The following CLEC6A variants were observed in gnomAD, a reference collection of about 807,000 sequenced individuals.
CLEC6A encodes the protein C-type lectin domain containing 6A, also known as C-type lectin domain family 6 member A.
A neutral mutation model predicts 25.7 loss-of-function variants in CLEC6A; 22 were observed. That is an observed-to-expected ratio of 0.85 (90% CI 0.61 to 1.22). CLEC6A has a LOEUF of 1.22. Ranked by LOEUF, CLEC6A falls within the 50% of genes most tolerant of loss-of-function variation. CLEC6A has a pLI of 0.00. For synonymous variants in CLEC6A, 92 were observed against 76.7 expected (o/e 1.20, Z -1.04); for missense variants, 240 against 236.8 (o/e 1.01, Z -0.09).
intron 3 of CLEC6A, chr12:8,460,525 T>A (rs1939738920): frequency 1.5e-6 from 1 of 655,534 alleles, no homozygotes. Context: ...AAGGTGAGAT[T>A]TGGGTGGAGA....
chr12:8,464,574 C>T (rs987723937), intron 3 of CLEC6A, among the ~76,000 whole-genome samples: 3 of 152,088 alleles, frequency 2.0e-5, no homozygotes, highest in Non-Finnish European at 2.9e-5. Flanking sequence ...CCTCGTGATC[C>T]GCCCGCCTCG....
At position 8,477,662 on chromosome 12, in the gene CLEC6A, T is replaced by C. The variant is rs998459838; in HGVS notation, c.*198T>C. 9.4e-6 allele frequency: 4 copies of C among 424,186 alleles called. No individual in the cohort carries two copies. Among genetic ancestry groups the C allele is most frequent in the East Asian group, 3.9e-5 (1 of 25,348 alleles). The allele number at this position is 424,186 out of a possible 1,614,324, so 26.3% of individuals were successfully genotyped here. ...CTCGTTTCCTCTTTTCCATTAATGA[T>C]AGAATGCACCCTTCCTCTCTTTGTT... On this transcript the variant is annotated 3_prime_UTR_variant, in exon 6 of 6. Coordinates refer to ENST00000382073, the MANE Select transcript of CLEC6A (RefSeq NM_001007033.2).
Position 8,460,979 on chromosome 12 carries a change from TTGG to T in CLEC6A, c.223+1284_223+1286del, listed in dbSNP as rs201241576. On this transcript the variant is annotated intron_variant, in intron 3 of 5. Transcript: ENST00000382073. ...CTAAGAGTCCCAAATTCTTACTGCG[TTGG>T]TGAAGATTCCACATAAAAATTTTTG... The T allele has an allele frequency of 7.9e-3, 8,521 of 1,080,824 alleles. 87 individuals carry two copies. Among genetic ancestry groups the T allele is most frequent in the Non-Finnish European group, 8.8e-3 (6,240 of 707,746 alleles). 67.0% of individuals were successfully genotyped at this position (1,080,824 alleles called of 1,614,324 possible). A position where few individuals can be genotyped will look rare whatever the true frequency, so the allele number is the denominator to read the frequency against.
intron 3 of CLEC6A, among the ~76,000 whole-genome samples, chr12:8,464,439 C>T (rs1939803969): frequency 6.6e-6 from 1 of 151,976 alleles, no homozygotes; most frequent in Non-Finnish European, 1.5e-5. Flanking sequence ...ACGCCATTCT[C>T]CTGCCTCAGC....
chr12:8,472,341 C>T (rs1413913353), intron 4 of CLEC6A, among the ~76,000 whole-genome samples: 3 of 152,150 alleles, frequency 2.0e-5, no homozygotes, highest in African/African-American at 7.2e-5. Flanking sequence ...TCAGCCACCA[C>T]CAAGTATCCC....
At chr12:8,476,666 T>A (rs4337090) in intron 5 of CLEC6A, among the ~76,000 whole-genome samples, 149,038 of 152,228 alleles carry the variant, frequency 0.98, 73,039 homozygotes, top group Middle Eastern at 1. Context: ...GGCTTTAAAA[T>A]AGAATTCAGT....
intron 4 of CLEC6A, among the ~76,000 whole-genome samples, chr12:8,467,475 A>C (rs1013971644): frequency 1.3e-5 from 2 of 152,106 alleles, no homozygotes; most frequent in African/African-American, 4.8e-5. Context: ...TGGTATTGGC[A>C]CCTTGTTGGA....
intron 2 of CLEC6A, among the ~76,000 whole-genome samples, chr12:8,459,339 G>C (rs1939720846): frequency 6.6e-6 from 1 of 152,020 alleles, no homozygotes; most frequent in Non-Finnish European, 1.5e-5. Flanking sequence ...AATTGTTGTG[G>C]GAAACAGGCA....
chr12:8,467,999 TG>T (rs1939857928), intron 4 of CLEC6A, among the ~76,000 whole-genome samples: 1 of 152,134 alleles, frequency 6.6e-6, no homozygotes. Context: ...TGGAGTGCAG[TG>T]GTGTGATCTT....
rs777136821 is a variant in CLEC6A, at chr12:8,456,735, TCCATCACCTCAAATA to T, written c.31+594_31+608del. Among the ~76,000 whole-genome samples, 14 of 152,340 alleles carry T rather than the reference TCCATCACCTCAAATA, an allele frequency of 9.2e-5. 1 individual carries two copies. In the South Asian group the frequency reaches 2.9e-3, roughly 32 times the overall value. On this transcript the variant is annotated intron_variant, in intron 1 of 5. Transcript: ENST00000382073. The stretch of plus-strand genomic sequence containing the variant: ...TGGTAAAGTCTGGAAAATTACATTA[TCCATCACCTCAAATA>T]TTTATCATGTCTTTGTGTTTGGAAC...
chr12:8,460,540 G>A (rs1368683012), intron 3 of CLEC6A: 3 of 741,938 alleles, frequency 4.0e-6, no homozygotes, highest in Admixed American at 2.2e-5. Context: ...TGGAGACAGA[G>A]AACCAAACCA....
chr12:8,474,070 G>A (rs1027205991), intron 4 of CLEC6A, among the ~76,000 whole-genome samples: 2 of 152,012 alleles, frequency 1.3e-5, no homozygotes, highest in African/African-American at 4.8e-5. Context: ...AAGCATTTTA[G>A]TTTAATTAGG....
In CLEC6A at chr12:8,465,464, T is replaced by C. The variant is rs1234782180; in HGVS notation, c.224-20T>C. 1 of 1,613,496 alleles carries C rather than the reference T, an allele frequency of 6.2e-7. No homozygotes were observed. The highest frequency in any genetic ancestry group is 8.5e-7 in the Non-Finnish European group (1 of 1,179,692). ...TCTTATCTTGCACTCACTCTTTTTT[T>C]TCATGTAACACAAAAATAGCCTGGG... is the stretch of plus-strand genomic sequence containing the variant. On this transcript the variant is annotated intron_variant, in intron 3 of 5. Coordinates refer to ENST00000382073, the MANE Select transcript of CLEC6A (RefSeq NM_001007033.2).
intron 1 of CLEC6A, among the ~76,000 whole-genome samples, chr12:8,457,128 A>G (rs997513299): frequency 5.8e-4 from 88 of 152,168 alleles, no homozygotes; most frequent in Admixed American, 1.6e-3. Context: ...AAAAAAGTTA[A>G]CTACAGTTAT....
In CLEC6A at chr12:8,477,522, CT is replaced by C; in HGVS notation, c.*61del. The C allele has an allele frequency of 7.3e-7, 1 of 1,368,948 alleles. No homozygotes were observed. Among genetic ancestry groups the C allele is most frequent in the East Asian group, 2.4e-5 (1 of 41,732 alleles). The allele number at this position is 1,368,948 out of a possible 1,614,324, so 84.8% of individuals were successfully genotyped here. On this transcript the variant is annotated 3_prime_UTR_variant, in exon 6 of 6. Transcript: ENST00000382073. The stretch of plus-strand genomic sequence containing the variant: ...ACTGACGTAATTTTTTCCCTGACGT[CT>C]TTAAAATTGAACCCTATCATGAAAT...
chr12:8,465,714 G>A, intron 4 of CLEC6A, 85 bp downstream of exon 4: 1 of 1,137,770 alleles, frequency 8.8e-7, no homozygotes, highest in Non-Finnish European at 1.2e-6. Flanking sequence ...TCAGTGTACT[G>A]TTCAGTAGCA....
intron 3 of CLEC6A, among the ~76,000 whole-genome samples, chr12:8,459,929 A>T (rs938599053): frequency 2.6e-5 from 4 of 152,212 alleles, no homozygotes; most frequent in Non-Finnish European, 5.9e-5. Context: ...TTATAAACCT[A>T]CATGCATGTA....
At chr12:8,463,104 A>G (rs1939784750) in intron 3 of CLEC6A, among the ~76,000 whole-genome samples, 1 of 118,710 alleles carries the variant, frequency 8.4e-6, no homozygotes. Context: ...GATGTTTTAC[A>G]TCATTTTTCT....
At chr12:8,465,390 A>T in intron 3 of CLEC6A, 94 bp from the exon 4 acceptor site, 1 of 1,234,132 alleles carries the variant, frequency 8.1e-7, no homozygotes, top group African/African-American at 1.5e-5. Flanking sequence ...AAAAACGTGA[A>T]TTAAGAAACT....
Sources: allele counts gnomAD v4.1 joint callset (sites outside exome capture counted in the v4.1 genomes callset), GRCh38; gene constraint gnomAD v4.1.1; transcripts MANE v1.5; gene names NCBI Gene and HGNC (gene_info 2026-07-23, HGNC 2026-07-21).